The following ZUP1 variants were observed in gnomAD, a reference collection of about 807,000 sequenced individuals.
The protein encoded by ZUP1 is zinc finger-containing ubiquitin peptidase 1.
In ZUP1, 55 loss-of-function variants were observed where a neutral mutation model predicts 68.1. The ratio of observed to expected loss-of-function variants is 0.81; its 90% confidence interval spans 0.65 to 1.01. ZUP1 has a LOEUF of 1.01. Among genes scored for constraint, ZUP1 ranks in the 50% least tolerant of loss-of-function variants. The pLI is 0.00. For missense variants in ZUP1, 684 were observed against 674.9 expected (o/e 1.01, Z -0.15); for synonymous variants, 223 against 221.5 (o/e 1.01, Z -0.06).
At chr6:116,639,654 A>C (rs1776023817) in intron 9 of ZUP1, among the ~76,000 whole-genome samples, 1 of 152,228 alleles carries the variant, frequency 6.6e-6, no homozygotes, top group Non-Finnish European at 1.5e-5. Flanking sequence ...AAACTAACAA[A>C]CAGAAAGGAC....
chr6:116,643,436 T>G (rs1480149180), intron 9 of ZUP1, among the ~76,000 whole-genome samples: 1 of 152,146 alleles, frequency 6.6e-6, no homozygotes, highest in Non-Finnish European at 1.5e-5. Context: ...GACTTCAAAC[T>G]ATACTACAAG....
Position 116,651,599 on chromosome 6 carries a change from T to C in ZUP1, c.1289A>G (p.Tyr430Cys). The change falls in exon 7 of 10, where the codon TAT becomes TGT. Residue 430 changes from tyrosine (Y) to cysteine (C), a missense_variant. Tyr to Cys is a radical substitution (Grantham distance 194). Coordinates refer to ENST00000368576, the MANE Select transcript of ZUP1 (RefSeq NM_145062.3). ...TACCCTTAGGGAGGTCAGGAGTATA[T>C]ATACTTCACATGCTCCAATCCAGGC... ...TKAWIGACEV[Y>C]ILLTSLRVKC... 6.2e-7 allele frequency: 1 copy of C among 1,613,722 alleles called. No individual in the cohort carries two copies.
intron 9 of ZUP1, among the ~76,000 whole-genome samples, chr6:116,645,088 T>C (rs1303222373): frequency 2.0e-5 from 3 of 152,042 alleles, no homozygotes; most frequent in South Asian, 2.1e-4. Flanking sequence ...TAAGTTTTAA[T>C]TAACATACAG....
In ZUP1 at chr6:116,660,727, T is replaced by G. The variant is rs1198561385; in HGVS notation, c.670+9A>C. ...AATGATATTTTTATCTTCAAACATA[T>G]AAACATACCTTGCTGAAAGCTGTTT... On this transcript the variant is annotated intron_variant, in intron 3 of 9. Transcript: ENST00000368576. 6.7e-7 allele frequency: 1 copy of G among 1,501,184 alleles called. No individual in the cohort carries two copies. The highest frequency in any genetic ancestry group is 1.2e-5 in the South Asian group (1 of 84,264). 93.0% of individuals were successfully genotyped at this position (1,501,184 alleles called of 1,614,324 possible). A position where few individuals can be genotyped will look rare whatever the true frequency, so the allele number is the denominator to read the frequency against.
intron 2 of ZUP1, among the ~76,000 whole-genome samples, chr6:116,661,165 C>T (rs1349469774): frequency 2.0e-5 from 3 of 152,092 alleles, no homozygotes; most frequent in East Asian, 3.8e-4. Flanking sequence ...CATGAGCCAC[C>T]ATGCCCAGCC....
chr6:116,659,098 A>G (rs1294720999), intron 3 of ZUP1, among the ~76,000 whole-genome samples, 174 bp from the exon 4 acceptor site: 1 of 152,202 alleles, frequency 6.6e-6, no homozygotes, highest in African/African-American at 2.4e-5. Flanking sequence ...TTTGGTAAGG[A>G]ATAACCTCCA....
chr6:116,639,475 A>G (rs1175456308), intron 9 of ZUP1, among the ~76,000 whole-genome samples: 9 of 152,096 alleles, frequency 5.9e-5, no homozygotes, highest in Admixed American at 5.9e-4. Flanking sequence ...ACGGCCGGGT[A>G]CTCCTCTGAG....
intron 5 of ZUP1, among the ~76,000 whole-genome samples, chr6:116,652,504 A>G (rs766305824): frequency 6.6e-6 from 1 of 152,142 alleles, no homozygotes; most frequent in Non-Finnish European, 1.5e-5. Flanking sequence ...ACTGGAGATC[A>G]CTCAGTCTTA....
At position 116,651,576 on chromosome 6, in the gene ZUP1, C is replaced by T. The variant is rs1190261553; in HGVS notation, c.1312G>A (p.Val438Ile). The T allele has an allele frequency of 1.9e-6, 3 of 1,608,674 alleles. No homozygotes were observed. In the Admixed American group the frequency reaches 5.1e-5, roughly 27 times the overall value. The change falls in exon 7 of 10, where the codon GTA becomes ATA. Residue 438 changes from valine (V) to isoleucine (I), a missense_variant. Transcript: ENST00000368576. ...TTTAGGTTTTAAGGTACATACTTTACCCTTAGGGAGGTCAGGAGTATATAT... is the reference window on the plus strand; with the variant it reads ...TTTAGGTTTTAAGGTACATACTTTATCCTTAGGGAGGTCAGGAGTATATAT... Reference protein sequence around the residue: ...EVYILLTSLRVKCHIVDFHKS... With the variant: ...EVYILLTSLRIKCHIVDFHKS...
At chr6:116,648,087 T>C (rs1369471160) in intron 7 of ZUP1, among the ~76,000 whole-genome samples, 1 of 152,212 alleles carries the variant, frequency 6.6e-6, no homozygotes, top group African/African-American at 2.4e-5. Flanking sequence ...TAAATACTTT[T>C]CCTGTCGGTC....
At chr6:116,666,579 C>T (rs1777015901) in intron 2 of ZUP1, 55 bp downstream of exon 2, 2 of 1,419,206 alleles carry the variant, frequency 1.4e-6, no homozygotes, top group Non-Finnish European at 1.9e-6. Flanking sequence ...TTTAAAATAC[C>T]ACATATTAAA....
intron 5 of ZUP1, 80 bp from the exon 6 acceptor site, chr6:116,652,272 C>T: frequency 9.5e-7 from 1 of 1,049,182 alleles, no homozygotes. Context: ...TCAACCTCTC[C>T]TTCACGCACC....
intron 2 of ZUP1, among the ~76,000 whole-genome samples, chr6:116,661,076 A>G (rs1210506277): frequency 6.6e-6 from 1 of 151,322 alleles, no homozygotes; most frequent in African/African-American, 2.4e-5. Context: ...AGATCTCACT[A>G]TGTCGTCCAG....
chr6:116,636,534 A>G (rs1032925887), intron 9 of ZUP1, among the ~76,000 whole-genome samples: 12 of 152,184 alleles, frequency 7.9e-5, no homozygotes, highest in African/African-American at 2.9e-4. Context: ...CCTTTCACCT[A>G]AACAATTGCT....
intron 7 of ZUP1, among the ~76,000 whole-genome samples, chr6:116,649,927 C>T (rs1316347715): frequency 6.6e-6 from 1 of 151,954 alleles, no homozygotes; most frequent in Non-Finnish European, 1.5e-5. Context: ...ATACTAATAT[C>T]GAACAAACAA....
intron 2 of ZUP1, among the ~76,000 whole-genome samples, chr6:116,665,864 T>A (rs1019101771): frequency 2.6e-5 from 4 of 151,632 alleles, no homozygotes; most frequent in Non-Finnish European, 5.9e-5. Flanking sequence ...TTGCTGGGAT[T>A]ACAGGCATGA....
chr6:116,656,611 T>C (rs1776670863), intron 5 of ZUP1, 73 bp downstream of exon 5: 2 of 1,250,434 alleles, frequency 1.6e-6, no homozygotes, highest in Admixed American at 5.9e-5. Flanking sequence ...TAAGCAAAAT[T>C]AAAATGATTC....
At chr6:116,639,156 G>C (rs1231665440) in intron 9 of ZUP1, among the ~76,000 whole-genome samples, 1 of 152,256 alleles carries the variant, frequency 6.6e-6, no homozygotes, top group African/African-American at 2.4e-5. Flanking sequence ...CCATTGCCCA[G>C]GCTCGCTTAG....
At chr6:116,662,187 T>C (rs1029433453) in intron 2 of ZUP1, among the ~76,000 whole-genome samples, 7 of 152,192 alleles carry the variant, frequency 4.6e-5, no homozygotes, top group South Asian at 2.1e-4. Context: ...CCATAAGTAA[T>C]GCTGGCGGAT....
Sources: gnomAD v4.1 joint callset for allele counts (sites outside exome capture counted in the v4.1 genomes callset) on GRCh38, gnomAD v4.1.1 for gene constraint, MANE v1.5 for transcripts, NCBI Gene and HGNC (gene_info 2026-07-23, HGNC 2026-07-21) for gene names.